The following MAP2 variants were observed in gnomAD, a reference collection of about 807,000 sequenced individuals.
MAP2 encodes the protein microtubule associated protein 2.
A neutral mutation model predicts 137.6 loss-of-function variants in MAP2; 14 were observed. The observed-to-expected ratio is 0.10, with a 90% confidence interval of 0.07 to 0.16. The LOEUF is 0.16. Among genes scored for constraint, MAP2 ranks in the 10% least tolerant of loss-of-function variants. The probability of loss-of-function intolerance (pLI) is 1.00; values close to 1 mark genes in which losing one functional copy is unlikely to be tolerated. For missense variants in MAP2, 2,088 were observed against 2,191.5 expected, an observed-to-expected ratio of 0.95 and a Z score of 0.94; for synonymous variants, 786 against 782.3, an observed-to-expected ratio of 1.00 and a Z score of -0.08.
chr2:209,498,078 A>C (rs2059962680), intron 1 of MAP2, among the ~76,000 whole-genome samples: 1 of 152,194 alleles, frequency 6.6e-6, no homozygotes. Flanking sequence ...CAAGCATGTA[A>C]AATCAAAAAG....
chr2:209,696,488 G>A, intron 8 of MAP2, 54 bp from the exon 9 acceptor site: 1 of 1,514,806 alleles, frequency 6.6e-7, no homozygotes, highest in Non-Finnish European at 9.0e-7. Flanking sequence ...TTGTACACTT[G>A]TTACTAATGT....
chr2:209,548,464 C>T (rs923245584), intron 2 of MAP2, among the ~76,000 whole-genome samples: 6 of 152,214 alleles, frequency 3.9e-5, no homozygotes, highest in Non-Finnish European at 7.3e-5. Context: ...AGAGCTTATG[C>T]TCTTAGCTGG....
intron 3 of MAP2, among the ~76,000 whole-genome samples, chr2:209,600,866 A>G (rs2082787102): frequency 6.6e-6 from 1 of 152,122 alleles, no homozygotes; most frequent in African/African-American, 2.4e-5. Flanking sequence ...TTGAGCTAGG[A>G]TTGTGACTAT....
chr2:209,660,891 C>A (rs1472377938), intron 5 of MAP2, among the ~76,000 whole-genome samples: 3 of 148,306 alleles, frequency 2.0e-5, no homozygotes, highest in South Asian at 2.1e-4. Context: ...CCCGCCACCA[C>A]GCCCGGCTAA....
intron 2 of MAP2, among the ~76,000 whole-genome samples, chr2:209,537,298 C>G (rs750165419): frequency 1.3e-4 from 20 of 152,098 alleles, no homozygotes; most frequent in Non-Finnish European, 2.8e-4. Flanking sequence ...ACCCCCAAAA[C>G]TACAAGAATC....
intron 1 of MAP2, among the ~76,000 whole-genome samples, chr2:209,442,772 A>T (rs530139179): frequency 2.0e-5 from 3 of 151,646 alleles, no homozygotes; most frequent in Non-Finnish European, 3.0e-5. Flanking sequence ...ACTTATTTCA[A>T]TATCCACCCT....
intron 2 of MAP2, among the ~76,000 whole-genome samples, chr2:209,553,276 G>A (rs959472312): frequency 6.6e-6 from 1 of 152,128 alleles, no homozygotes; most frequent in African/African-American, 2.4e-5. Context: ...CTCCCAAAGT[G>A]CTGGGATTAC....
chr2:209,463,828 AAAT>A (rs1224435958), intron 1 of MAP2, among the ~76,000 whole-genome samples: 1 of 152,138 alleles, frequency 6.6e-6, no homozygotes, highest in Non-Finnish European at 1.5e-5. Flanking sequence ...AATGTTGGTA[AAAT>A]ACTATTATTT....
At chr2:209,612,950 T>A (rs2087493095) in intron 3 of MAP2, among the ~76,000 whole-genome samples, 1 of 152,184 alleles carries the variant, frequency 6.6e-6, no homozygotes, top group Non-Finnish European at 1.5e-5. Context: ...TTTAGTGTTA[T>A]TTCAAAGTTA....
At chr2:209,716,825 AT>A (rs2067853251) in intron 13 of MAP2, among the ~76,000 whole-genome samples, 1 of 152,190 alleles carries the variant, frequency 6.6e-6, no homozygotes, top group South Asian at 2.1e-4. Flanking sequence ...CTCTTAAATC[AT>A]TTTAAATTCT....
chr2:209,574,352 T>G (rs998768398), intron 2 of MAP2, among the ~76,000 whole-genome samples: 14 of 152,114 alleles, frequency 9.2e-5, no homozygotes, highest in African/African-American at 3.1e-4. Context: ...TGTACTACAC[T>G]TAGCATAATG....
chr2:209,639,758 A>C (rs1340394341), intron 4 of MAP2, among the ~76,000 whole-genome samples: 1 of 150,978 alleles, frequency 6.6e-6, no homozygotes, highest in Non-Finnish European at 1.5e-5. Flanking sequence ...GCCTTACATG[A>C]GGTTTTTTTT....
intron 1 of MAP2, among the ~76,000 whole-genome samples, chr2:209,464,789 G>A (rs975622950): frequency 6.6e-6 from 1 of 151,994 alleles, no homozygotes; most frequent in South Asian, 2.1e-4. Context: ...AAAATACAAT[G>A]ACATTAATTA....
intron 4 of MAP2, among the ~76,000 whole-genome samples, chr2:209,631,345 C>A (rs1252503680): frequency 6.6e-6 from 1 of 152,096 alleles, no homozygotes; most frequent in Non-Finnish European, 1.5e-5. Context: ...TTCTACAAAA[C>A]TTGGCATGAA....
chr2:209,687,581 T>A lies in MAP2; in HGVS notation c.455-5044T>A, dbSNP rs568674084. On this transcript the variant is annotated intron_variant, in intron 7 of 15. Coordinates refer to ENST00000682079, the MANE Select transcript of MAP2 (RefSeq NM_001375505.1). ...TCTCCCATCCTCCATCAGCTTGATC[T>A]TGCTAATTTCCCTTCATCCTGCTGT... 4.9e-4 allele frequency among the ~76,000 whole-genome samples: 75 copies of A among 152,284 alleles called. 1 individual carries two copies. The highest frequency in any genetic ancestry group is 2.5e-3 in the East Asian group (13 of 5,160).
intron 1 of MAP2, among the ~76,000 whole-genome samples, chr2:209,477,155 G>C (rs1244142218): frequency 6.6e-6 from 1 of 152,182 alleles, no homozygotes; most frequent in Non-Finnish European, 1.5e-5. Context: ...TACTGCACAA[G>C]TGTTAGTTTC....
intron 4 of MAP2, among the ~76,000 whole-genome samples, chr2:209,629,607 T>TA (rs2092768221): frequency 6.6e-6 from 1 of 152,198 alleles, no homozygotes; most frequent in Non-Finnish European, 1.5e-5. Flanking sequence ...TTAAGCATTC[T>TA]AAAAATAAAT....
chr2:209,430,935 AAAGTTTTGC>A (rs372853616), intron 1 of MAP2, among the ~76,000 whole-genome samples: 7,851 of 152,264 alleles, frequency 0.052, 307 homozygotes, highest in East Asian at 0.19. Context: ...ATCTCAGACT[AAAGTTTTGC>A]CTTATTCGGG....
At chr2:209,704,359 G>A in intron 11 of MAP2, 3 of 1,117,960 alleles carry the variant, frequency 2.7e-6, no homozygotes, top group East Asian at 2.6e-5. Flanking sequence ...AAGACTTTGA[G>A]TTTCTTATAT....
Sources: allele counts gnomAD v4.1 joint callset (sites outside exome capture counted in the v4.1 genomes callset), GRCh38; gene constraint gnomAD v4.1.1; transcripts MANE v1.5; gene names NCBI Gene and HGNC (gene_info 2026-07-23, HGNC 2026-07-21).